RIMS2: variants seen among roughly 807,000 people sequenced by gnomAD.
The protein encoded by RIMS2 is regulating synaptic membrane exocytosis 2, also known as regulating synaptic membrane exocytosis protein 2.
RIMS2 carries 59 observed loss-of-function variants against 174.4 expected under a neutral mutation model. That is an observed-to-expected ratio of 0.34 (90% CI 0.27 to 0.42). The LOEUF is 0.42. Ranked by LOEUF, RIMS2 falls within the 10% of genes least tolerant of loss-of-function variation. The probability of loss-of-function intolerance (pLI) is 1.00; values close to 1 mark genes in which losing one functional copy is unlikely to be tolerated. For missense variants in RIMS2, 1,620 were observed against 1,666.3 expected, an observed-to-expected ratio of 0.97 and a Z score of 0.48; for synonymous variants, 606 against 572.5, an observed-to-expected ratio of 1.06 and a Z score of -0.84.
intron 3 of RIMS2, among the ~76,000 whole-genome samples, chr8:103,832,289 G>A (rs2098830665): frequency 6.6e-6 from 1 of 151,962 alleles, no homozygotes; most frequent in South Asian, 2.1e-4. Context: ...TGATATATTT[G>A]AATTTAGGCA....
intron 2 of RIMS2, among the ~76,000 whole-genome samples, chr8:103,725,087 G>A (rs1286908937): frequency 2.0e-5 from 3 of 152,214 alleles, no homozygotes; most frequent in Non-Finnish European, 4.4e-5. Flanking sequence ...TACAAATTTA[G>A]TGTTAAAATA....
chr8:103,860,535 A>T (rs2154499117), intron 3 of RIMS2, among the ~76,000 whole-genome samples: 1 of 152,200 alleles, frequency 6.6e-6, no homozygotes, highest in Admixed American at 6.5e-5. Flanking sequence ...GTGAGAATTA[A>T]ATGAGATAGT....
chr8:103,542,238 A>G (rs1437560984), intron 1 of RIMS2, among the ~76,000 whole-genome samples: 1 of 152,198 alleles, frequency 6.6e-6, no homozygotes, highest in African/African-American at 2.4e-5. Context: ...TGGATAAACT[A>G]GAAAAATACG....
chr8:103,887,309 A>AC (rs932825400), intron 4 of RIMS2, among the ~76,000 whole-genome samples: 1 of 151,118 alleles, frequency 6.6e-6, no homozygotes, highest in African/African-American at 2.4e-5. Context: ...TTAGGATTTT[A>AC]CCCCATTTAA....
intron 1 of RIMS2, among the ~76,000 whole-genome samples, chr8:103,561,215 G>A (rs1166238998): frequency 7.3e-5 from 11 of 150,068 alleles, no homozygotes; most frequent in Non-Finnish European, 1.5e-5. Context: ...TAACAACTTA[G>A]TATGGGCTTA....
At chr8:104,170,166 T>TA (rs1453564469) in intron 19 of RIMS2, among the ~76,000 whole-genome samples, 2 of 152,112 alleles carry the variant, frequency 1.3e-5, no homozygotes, top group Admixed American at 6.6e-5. Context: ...TTTCTGTAAA[T>TA]ATCTGTTAAG....
intron 2 of RIMS2, among the ~76,000 whole-genome samples, chr8:103,764,329 T>A (rs969554789): frequency 6.6e-6 from 1 of 152,254 alleles, no homozygotes; most frequent in African/African-American, 2.4e-5. Flanking sequence ...ATTCATATCT[T>A]ATAATCATCT....
intron 1 of RIMS2, among the ~76,000 whole-genome samples, chr8:103,560,176 G>A (rs1287758631): frequency 6.6e-6 from 1 of 152,118 alleles, no homozygotes; most frequent in African/African-American, 2.4e-5. Flanking sequence ...AAGGGACATC[G>A]ATGAATTGCC....
intron 1 of RIMS2, among the ~76,000 whole-genome samples, chr8:103,645,612 C>G (rs2135660942): frequency 6.6e-6 from 1 of 152,160 alleles, no homozygotes; most frequent in African/African-American, 2.4e-5. Flanking sequence ...AAGTTTACCT[C>G]TTAGGATAAG....
intron 1 of RIMS2, among the ~76,000 whole-genome samples, chr8:103,665,183 A>C (rs959083433): frequency 4.6e-5 from 7 of 152,204 alleles, no homozygotes; most frequent in Non-Finnish European, 1.0e-4. Flanking sequence ...GTAAATGACA[A>C]GTTGATGGGT....
intron 1 of RIMS2, among the ~76,000 whole-genome samples, chr8:103,676,768 A>G (rs527403338): frequency 4.1e-4 from 63 of 152,234 alleles, no homozygotes; most frequent in African/African-American, 1.3e-3. Context: ...GGATCACTTG[A>G]GGTCAAGAGT....
At chr8:104,102,534 A>G (rs2097921962) in intron 19 of RIMS2, among the ~76,000 whole-genome samples, 1 of 152,212 alleles carries the variant, frequency 6.6e-6, no homozygotes, top group Admixed American at 6.5e-5. Flanking sequence ...TTATAAATAT[A>G]AACTGTATTA....
intron 19 of RIMS2, among the ~76,000 whole-genome samples, chr8:104,022,186 G>T (rs1191180391): frequency 2.6e-5 from 4 of 152,182 alleles, no homozygotes; most frequent in African/African-American, 7.2e-5. Context: ...CATTTTAGCA[G>T]AAGTCAGGCC....
chr8:103,954,123 A>G lies in RIMS2; in HGVS notation c.2702-6942A>G, dbSNP rs1180707462. ...ATAAAGCAAGTTCTTAGAGACCTAC[A>G]AAGAGACTTATACTCCCACACAATA... On this transcript the variant is annotated intron_variant, in intron 14 of 23. Transcript: ENST00000504942. Among the ~76,000 whole-genome samples, 3 of 152,212 alleles carry G rather than the reference A, an allele frequency of 2.0e-5. No individual in the cohort carries two copies. The East Asian group carries it at 5.8e-4, about 29-fold the overall frequency.
intron 19 of RIMS2, among the ~76,000 whole-genome samples, chr8:104,174,971 A>G (rs1178708657): frequency 6.6e-6 from 1 of 152,222 alleles, no homozygotes; most frequent in Non-Finnish European, 1.5e-5. Context: ...CAAGTATTTG[A>G]AAAGTCTTAA....
intron 19 of RIMS2, among the ~76,000 whole-genome samples, chr8:104,158,168 A>G (rs905913657): frequency 5.3e-5 from 8 of 152,166 alleles, no homozygotes; most frequent in Admixed American, 3.9e-4. Context: ...TGTCCTTGTG[A>G]TATTTTGCTG....
chr8:104,097,290 G>T (rs911044089), intron 19 of RIMS2, among the ~76,000 whole-genome samples: 2 of 152,064 alleles, frequency 1.3e-5, no homozygotes, highest in African/African-American at 4.8e-5. Flanking sequence ...TATACACATA[G>T]CCTGAAGGTA....
chr8:103,868,685 TTA>T (rs2099095295), intron 3 of RIMS2, among the ~76,000 whole-genome samples: 1 of 152,262 alleles, frequency 6.6e-6, no homozygotes, highest in African/African-American at 2.4e-5. Flanking sequence ...TATGTGAATT[TTA>T]GTTTTTTCTT....
In RIMS2 at chr8:103,910,533, C is replaced by A; in HGVS notation, c.1692+332C>A. 6.4e-7 allele frequency: 1 copy of A among 1,570,924 alleles called. No individual in the cohort carries two copies. The highest frequency in any genetic ancestry group is 8.7e-7 in the Non-Finnish European group (1 of 1,155,278). Reference sequence around the variant, plus strand: ...GGAGCATAGCCATAGTGATAAGGTACTGAGATTGTGGAGCCTGCCTTTTAA... The same window carrying A: ...GGAGCATAGCCATAGTGATAAGGTAATGAGATTGTGGAGCCTGCCTTTTAA... On this transcript the variant is annotated intron_variant, in intron 5 of 23. Transcript: ENST00000504942.
Sources: gnomAD v4.1 joint callset for allele counts (sites outside exome capture counted in the v4.1 genomes callset) on GRCh38, gnomAD v4.1.1 for gene constraint, MANE v1.5 for transcripts, NCBI Gene and HGNC (gene_info 2026-07-23, HGNC 2026-07-21) for gene names.